Variants in LCORL observed in about 807,000 individuals in gnomAD.
LCORL encodes ligand-dependent nuclear receptor corepressor-like protein.
A neutral mutation model predicts 141.8 loss-of-function variants in LCORL; 41 were observed. The observed-to-expected ratio is 0.29, with a 90% CI of 0.23 to 0.38. The LOEUF (loss-of-function observed/expected upper bound fraction) is 0.38. Among genes scored for constraint, LCORL ranks in the 10% least tolerant of loss-of-function variants. LCORL has a pLI of 1.00. For synonymous variants in LCORL, 618 were observed against 694.1 expected (o/e 0.89, Z 1.72); for missense variants, 1,759 against 2,035.0 (o/e 0.86, Z 2.61).
At chr4:17,911,408 A>G (rs764547886) in intron 4 of LCORL, among the ~76,000 whole-genome samples, 2 of 152,238 alleles carry the variant, frequency 1.3e-5, no homozygotes, top group African/African-American at 2.4e-5. Flanking sequence ...TAACATGTGT[A>G]AACGGCATCT....
exon 8 of LCORL, chr4:17,845,411 G>A (rs992719595): frequency 3.9e-5 from 8 of 206,996 alleles, no homozygotes; most frequent in Admixed American, 1.6e-4. Flanking sequence ...ATCACAATGT[G>A]TTATATATTA....
intron 4 of LCORL, chr4:17,912,556 CG>C (rs1732736508): frequency 6.6e-6 from 3 of 455,704 alleles, no homozygotes; most frequent in African/African-American, 4.0e-5. Flanking sequence ...CACAGTCTGC[CG>C]GAATTGGAGC....
At chr4:18,002,440 T>G (rs1722130412) in intron 1 of LCORL, among the ~76,000 whole-genome samples, 1 of 152,098 alleles carries the variant, frequency 6.6e-6, no homozygotes, top group Non-Finnish European at 1.5e-5. Context: ...GAACTTAAAT[T>G]TTTTGGTTTA....
intron 1 of LCORL, among the ~76,000 whole-genome samples, chr4:17,988,132 C>T (rs1355677211): frequency 1.3e-5 from 2 of 152,226 alleles, no homozygotes; most frequent in African/African-American, 4.8e-5. Context: ...CACTACCTCT[C>T]TCTGCCTGTT....
chr4:17,975,725 G>C (rs945038941), intron 1 of LCORL, among the ~76,000 whole-genome samples: 1 of 152,030 alleles, frequency 6.6e-6, no homozygotes, highest in African/African-American at 2.4e-5. Context: ...ATTCTTTGTG[G>C]TTGTAAAACA....
chr4:18,011,694 T>C (rs983067417), intron 1 of LCORL, among the ~76,000 whole-genome samples: 1 of 152,210 alleles, frequency 6.6e-6, no homozygotes, highest in Non-Finnish European at 1.5e-5. Flanking sequence ...CCTATTTTTA[T>C]AAATAAATGT....
intron 2 of LCORL, among the ~76,000 whole-genome samples, chr4:17,968,924 A>G (rs192140798): frequency 5.6e-4 from 85 of 152,348 alleles, no homozygotes; most frequent in Non-Finnish European, 1.1e-3. Flanking sequence ...TGCCTTTGAT[A>G]TGTTGCCACA....
chr4:17,917,589 A>C (rs1385367989), intron 4 of LCORL, among the ~76,000 whole-genome samples: 2 of 152,284 alleles, frequency 1.3e-5, no homozygotes, highest in Non-Finnish European at 2.9e-5. Context: ...CAGTCTATAC[A>C]GAAAGCAAAT....
intron 2 of LCORL, among the ~76,000 whole-genome samples, chr4:17,964,844 A>C (rs1346947277): frequency 6.7e-6 from 1 of 150,006 alleles, no homozygotes; most frequent in Non-Finnish European, 1.5e-5. Context: ...TAATTCTGAT[A>C]GGTCAAGGAA....
chr4:18,002,635 T>C (rs1722157215), intron 1 of LCORL, among the ~76,000 whole-genome samples: 1 of 152,192 alleles, frequency 6.6e-6, no homozygotes, highest in Non-Finnish European at 1.5e-5. Context: ...ACAACCAACA[T>C]ATAAAATGTT....
At chr4:17,934,293 T>C (rs771240214) in intron 4 of LCORL, among the ~76,000 whole-genome samples, 2 of 152,136 alleles carry the variant, frequency 1.3e-5, no homozygotes, top group Non-Finnish European at 2.9e-5. Flanking sequence ...AAAGGTGTTC[T>C]TGGTGAAACT....
At chr4:17,928,139 G>A (rs1270255780) in intron 4 of LCORL, among the ~76,000 whole-genome samples, 1 of 152,180 alleles carries the variant, frequency 6.6e-6, no homozygotes, top group Non-Finnish European at 1.5e-5. Context: ...GGGCATAGTA[G>A]CTCAAGCCTG....
At chr4:17,924,830 T>A (rs1455130117) in intron 4 of LCORL, among the ~76,000 whole-genome samples, 1 of 152,092 alleles carries the variant, frequency 6.6e-6, no homozygotes, top group African/African-American at 2.4e-5. Context: ...GAAGTCACAA[T>A]TACAACTCCA....
intron 6 of LCORL, chr4:17,883,165 T>C (rs1275907865): frequency 1.5e-5 from 15 of 981,184 alleles, no homozygotes; most frequent in Non-Finnish European, 1.8e-5. Context: ...TGAGTGCATT[T>C]TGTATTTCAT....
intron 1 of LCORL, among the ~76,000 whole-genome samples, chr4:17,977,459 A>T (rs186188578): frequency 9.8e-4 from 150 of 152,302 alleles, no homozygotes; most frequent in African/African-American, 3.1e-3. Flanking sequence ...ATAATAATAA[A>T]AAACAGTGAT....
intron 2 of LCORL, 76 bp from the exon 3 acceptor site, chr4:17,963,125 T>C (rs1714177065): frequency 3.0e-6 from 2 of 668,312 alleles, no homozygotes; most frequent in East Asian, 3.0e-5. Flanking sequence ...TCCACAGCAA[T>C]GGCTCACATA....
At chr4:17,938,003 C>CTTTTTT (rs201471488) in intron 4 of LCORL, among the ~76,000 whole-genome samples, 1 of 131,572 alleles carries the variant, frequency 7.6e-6, no homozygotes, top group African/African-American at 2.9e-5. Context: ...TAAACAATTT[C>CTTTTTT]TTTTTTTTTT....
intron 1 of LCORL, among the ~76,000 whole-genome samples, chr4:17,991,386 C>T (rs574383798): frequency 2.6e-4 from 39 of 152,302 alleles, no homozygotes; most frequent in East Asian, 1.5e-3. Context: ...GTTTACCATA[C>T]CTATTTGTGT....
intron 4 of LCORL, among the ~76,000 whole-genome samples, chr4:17,918,064 G>A (rs564605771): frequency 7.2e-5 from 11 of 152,320 alleles, no homozygotes; most frequent in Non-Finnish European, 7.3e-5. Flanking sequence ...TCTTACGATT[G>A]TAGACGTATG....
Sources: allele counts gnomAD v4.1 joint callset (sites outside exome capture counted in the v4.1 genomes callset), GRCh38; gene constraint gnomAD v4.1.1; transcripts MANE v1.5; gene names NCBI Gene and HGNC (gene_info 2026-07-23, HGNC 2026-07-21).